The following SAP130 variants were observed in gnomAD, a reference collection of about 807,000 sequenced individuals.
SAP130 encodes histone deacetylase complex subunit SAP130.
Under a neutral mutation model 103.2 loss-of-function variants are expected in SAP130, and 16 were observed. The observed-to-expected ratio is 0.16, with a 90% confidence interval of 0.10 to 0.24. SAP130 has a LOEUF of 0.24. Among genes scored for constraint, SAP130 ranks in the 10% least tolerant of loss-of-function variants. The probability of loss-of-function intolerance (pLI) is 1.00; values close to 1 mark genes in which losing one functional copy is unlikely to be tolerated. For synonymous variants in SAP130, 477 were observed against 497.0 expected (o/e 0.96, Z 0.53); for missense variants, 990 against 1,359.7 (o/e 0.73, Z 4.28).
chr2:127,956,366 T>C (rs2104767044), intron 15 of SAP130, among the ~76,000 whole-genome samples: 1 of 152,296 alleles, frequency 6.6e-6, no homozygotes, highest in African/African-American at 2.4e-5. Flanking sequence ...CTGTGTGCTG[T>C]TCTAGCAAAT....
intron 18 of SAP130, among the ~76,000 whole-genome samples, chr2:127,946,109 C>A (rs1467081881): frequency 2.6e-5 from 4 of 152,164 alleles, no homozygotes; most frequent in African/African-American, 9.7e-5. Context: ...AAGCCAGGGC[C>A]TCCCCCATCT....
chr2:128,011,191 C>T (rs918698654), intron 6 of SAP130, among the ~76,000 whole-genome samples: 6 of 152,162 alleles, frequency 3.9e-5, no homozygotes, highest in Admixed American at 6.6e-5. Flanking sequence ...AGGCCATCTA[C>T]GTTAGTGAGT....
At position 128,012,699 on chromosome 2, in the gene SAP130, C is replaced by T. The variant is rs531038399; in HGVS notation, c.744+331G>A. On this transcript the variant is annotated intron_variant, in intron 6 of 20. Coordinates refer to ENST00000643581, the MANE Select transcript of SAP130 (RefSeq NM_001330301.2). ...ACCTAACTTTTAGGAGTCCACAGAT[C>T]CCCCCAATCCAAATTAAAATCCCTC... Among the ~76,000 whole-genome samples the T allele has an allele frequency of 6.6e-5, 10 of 151,658 alleles. No homozygotes were observed. In the South Asian group the frequency reaches 1.7e-3, roughly 25 times the overall value.
At chr2:128,005,350 G>C (rs1175563775) in intron 7 of SAP130, among the ~76,000 whole-genome samples, 1 of 152,104 alleles carries the variant, frequency 6.6e-6, no homozygotes, top group Non-Finnish European at 1.5e-5. Flanking sequence ...CAACACTTGG[G>C]AATCACCTGT....
intron 15 of SAP130, among the ~76,000 whole-genome samples, chr2:127,957,830 A>G (rs1226379376): frequency 6.6e-6 from 1 of 152,188 alleles, no homozygotes; most frequent in East Asian, 1.9e-4. Context: ...GAGAGAAGAG[A>G]GACAGTAAAT....
intron 15 of SAP130, among the ~76,000 whole-genome samples, chr2:127,961,444 G>T (rs1258475977): frequency 1.3e-5 from 2 of 151,304 alleles, no homozygotes; most frequent in African/African-American, 4.9e-5. Context: ...CACTGCACCT[G>T]GCCCAAATGT....
intron 18 of SAP130, 38 bp from the exon 19 acceptor site, chr2:127,945,597 G>T: frequency 8.4e-7 from 1 of 1,191,532 alleles, no homozygotes; most frequent in Non-Finnish European, 1.3e-6. Flanking sequence ...GTATTTCAGT[G>T]TTTAAAAAGG....
intron 15 of SAP130, among the ~76,000 whole-genome samples, chr2:127,967,985 GA>G (rs1680779131): frequency 6.6e-6 from 1 of 152,110 alleles, no homozygotes; most frequent in Non-Finnish European, 1.5e-5. Flanking sequence ...ATCAATGAGG[GA>G]AAATGGAAAA....
chr2:128,027,493 A>C (rs919140654), intron 1 of SAP130, among the ~76,000 whole-genome samples: 37 of 151,396 alleles, frequency 2.4e-4, no homozygotes, highest in Non-Finnish European at 4.6e-4. Flanking sequence ...AGAGGAAGAC[A>C]GGCGCCCCCG....
intron 15 of SAP130, among the ~76,000 whole-genome samples, chr2:127,960,215 G>GT (rs1680141811): frequency 6.6e-6 from 1 of 152,146 alleles, no homozygotes; most frequent in Non-Finnish European, 1.5e-5. Flanking sequence ...TACTGAAGAG[G>GT]TGCTCTTACA....
chr2:127,953,515 C>T lies in SAP130; in HGVS notation c.2422+1471G>A, dbSNP rs180923314. Among the ~76,000 whole-genome samples the T allele has an allele frequency of 3.5e-4, 53 of 152,322 alleles. No homozygotes were observed. The highest frequency in any genetic ancestry group is 1.2e-3 in the African/African-American group (51 of 41,570). ...TCTGCTCCAACAGCTCCCTGCCAAC[C>T]CCAGCAAAGCCAAAACCTTTACAAC... is the stretch of plus-strand genomic sequence containing the variant. On this transcript the variant is annotated intron_variant, in intron 16 of 20. Coordinates refer to ENST00000643581, the MANE Select transcript of SAP130 (RefSeq NM_001330301.2). The surrounding 1 kb of genome is among the most constrained non-coding windows in gnomAD (Gnocchi z 4.0).
chr2:127,946,129 T>C (rs1197741568), intron 18 of SAP130, among the ~76,000 whole-genome samples: 1 of 152,166 alleles, frequency 6.6e-6, no homozygotes, highest in East Asian at 1.9e-4. Flanking sequence ...TCTAAGGCCC[T>C]GGTTCAAACA....
chr2:127,942,631 ACTGT>A lies in SAP130; in HGVS notation c.2902-98_2902-95del. On this transcript the variant is annotated intron_variant, in intron 19 of 20. Transcript: ENST00000643581. The surrounding 1 kb of genome is among the most constrained non-coding windows in gnomAD (Gnocchi z 4.8). ...AACCCACCTTCAATCACCTTTGTAA[ACTGT>A]CTAAGAGTTGTTTGGGTGACAACGT... 1.4e-6 allele frequency: 1 copy of A among 736,178 alleles called. No homozygotes were observed. The highest frequency in any genetic ancestry group is 1.6e-5 in the South Asian group (1 of 63,028). The allele number at this position is 736,178 out of a possible 1,614,324, so 45.6% of individuals were successfully genotyped here.
chr2:128,000,346 T>G lies in SAP130; in HGVS notation c.978A>C (p.Ala326=). ...TTRITLPSHP[A]LGTPKQQLHT... ...GAAGCTGCTGTTTTGGCGTCCCTAATGCAGGGTGAGATGGTAGTGTGATTC... is the reference window on the plus strand; with the variant it reads ...GAAGCTGCTGTTTTGGCGTCCCTAAGGCAGGGTGAGATGGTAGTGTGATTC... Residue 326 remains alanine (A), a synonymous_variant, in exon 8 of 21, where the codon GCA becomes GCC. Transcript: ENST00000643581. 6.2e-7 allele frequency: 1 copy of G among 1,614,226 alleles called. No homozygotes were observed. Among genetic ancestry groups the G allele is most frequent in the Non-Finnish European group, 8.5e-7 (1 of 1,180,034 alleles).
At chr2:127,959,605 A>G (rs1364555017) in intron 15 of SAP130, among the ~76,000 whole-genome samples, 2 of 152,200 alleles carry the variant, frequency 1.3e-5, no homozygotes, top group Non-Finnish European at 2.9e-5. Context: ...AGTATAACCT[A>G]TATATAAATC....
chr2:128,026,347 T>C (rs776662728), intron 1 of SAP130, 49 bp from the exon 2 acceptor site: 34 of 1,325,450 alleles, frequency 2.6e-5, no homozygotes, highest in Non-Finnish European at 3.6e-5. Flanking sequence ...GAGATCTGAA[T>C]CAATACTGAG....
intron 14 of SAP130, among the ~76,000 whole-genome samples, chr2:127,984,648 G>C (rs181515205): frequency 6.6e-6 from 1 of 152,294 alleles, no homozygotes; most frequent in East Asian, 1.9e-4. Flanking sequence ...TTTCTATCTA[G>C]AATCAAGTTC....
rs1472780557 is a variant in SAP130, at chr2:127,989,666, G to C, written c.1678C>G (p.Leu560Val). The change falls in exon 13 of 21, where the codon CTT becomes GTT. Residue 560 changes from leucine to valine, a missense_variant. Leu to Val is a conservative substitution (Grantham distance 32, BLOSUM62 1). Transcript: ENST00000643581. This position sits in a 1 kb window ranked among gnomAD's most constrained non-coding sequence, Gnocchi z 4.6. The part of the protein sequence containing the change: ...IGTPGIQPAP[L>V]GTQGIHSATP... Reference sequence around the variant, plus strand: ...GCTGAGTGAATTCCCTGTGTGCCAAGTGGTGCAGGCTGTATCCCTGGGGTC... The same window carrying C: ...GCTGAGTGAATTCCCTGTGTGCCAACTGGTGCAGGCTGTATCCCTGGGGTC... The C allele has an allele frequency of 1.2e-6, 2 of 1,614,106 alleles. No individual in the cohort carries two copies. The highest frequency in any genetic ancestry group is 1.7e-6 in the Non-Finnish European group (2 of 1,180,058).
In SAP130 at chr2:128,017,875, C is replaced by G; in HGVS notation, c.153G>C (p.Arg51Ser). 1 of 1,614,196 alleles carries G rather than the reference C, an allele frequency of 6.2e-7. No individual in the cohort carries two copies. The highest frequency in any genetic ancestry group is 8.5e-7 in the Non-Finnish European group (1 of 1,180,034). ...ESGRDSEVSAREHMSSSSSLQ... is the reference protein window; with the variant it reads ...ESGRDSEVSASEHMSSSSSLQ... ...GGGAGCTGCTGGAACTCATGTGCTC[C>G]CTGGCACTGACTTCAGAATCTCGAC... is the stretch of plus-strand genomic sequence containing the variant. Residue 51 changes from arginine (R) to serine (S), a missense_variant, in exon 3 of 21, where the codon AGG becomes AGC. By Grantham distance (110) the Arg-to-Ser change is moderately radical (BLOSUM62 -1). Around this residue, in one of 6 missense-constraint regions of SAP130, gnomAD observed 167 missense variants for 187.4 expected, o/e 0.89. Coordinates refer to ENST00000643581, the MANE Select transcript of SAP130 (RefSeq NM_001330301.2).
Sources: gnomAD v4.1 joint callset for allele counts (sites outside exome capture counted in the v4.1 genomes callset) on GRCh38, gnomAD v4.1.1 for gene constraint, gnomAD v4.1.1 regional missense constraint, Gnocchi (gnomAD v3.1) non-coding constraint, MANE v1.5 for transcripts, NCBI Gene and HGNC (gene_info 2026-07-23, HGNC 2026-07-21) for gene names.